The following INTS2 variants were observed in gnomAD, a reference collection of about 807,000 sequenced individuals.
The protein encoded by INTS2 is KIAA1287.
In INTS2, 57 loss-of-function variants were observed where a neutral mutation model predicts 139.6. The ratio of observed to expected loss-of-function variants is 0.41; its 90% CI spans 0.33 to 0.51. INTS2 has a LOEUF of 0.51. Among genes scored for constraint, INTS2 ranks in the 20% least tolerant of loss-of-function variants. INTS2 has a pLI of 0.28. For synonymous variants in INTS2, 473 were observed against 493.4 expected (o/e 0.96, Z 0.55); for missense variants, 1,196 against 1,436.7 (o/e 0.83, Z 2.71).
Position 61,868,096 on chromosome 17 carries a change from G to A in INTS2, c.3245-87C>T. Reference sequence around the variant, plus strand: ...AACATACTAAGGGGAACTATGCTCTGTGCTGGAGATATGAAGTTCTCTAAA... The same window carrying A: ...AACATACTAAGGGGAACTATGCTCTATGCTGGAGATATGAAGTTCTCTAAA... On this transcript the variant is annotated intron_variant, in intron 23 of 24. Coordinates refer to ENST00000251334, the MANE Select transcript of INTS2 (RefSeq NM_001351695.2). This position sits in a 1 kb window ranked among gnomAD's most constrained non-coding sequence, Gnocchi z 4.7. 9.2e-7 allele frequency: 1 copy of A among 1,090,828 alleles called. No individual in the cohort carries two copies. Among genetic ancestry groups the A allele is most frequent in the Non-Finnish European group, 1.3e-6 (1 of 792,344 alleles). The allele number at this position is 1,090,828 out of a possible 1,614,324, so 67.6% of individuals were successfully genotyped here. A position where few individuals can be genotyped will look rare whatever the true frequency, so the allele number is the denominator to read the frequency against.
At chr17:61,913,081 A>C (rs925068232) in intron 5 of INTS2, among the ~76,000 whole-genome samples, 1 of 151,884 alleles carries the variant, frequency 6.6e-6, no homozygotes, top group Non-Finnish European at 1.5e-5. Flanking sequence ...ATCTCCAAAA[A>C]AGAGAAAAAG....
rs1036055855 is a variant in INTS2, at chr17:61,897,338, T to C, written c.1494+131A>G. On this transcript the variant is annotated intron_variant, in intron 11 of 24. Transcript: ENST00000251334. This position sits in a 1 kb window ranked among gnomAD's most constrained non-coding sequence, Gnocchi z 4.4. ...ATACAGGTTTCAAAATGCATTTTTC[T>C]AAGCGCTCTTGATAAAACTTCTATT... 1.0e-5 allele frequency: 6 copies of C among 582,930 alleles called. No individual in the cohort carries two copies. Among genetic ancestry groups the C allele is most frequent in the Non-Finnish European group, 5.9e-6 (2 of 338,022 alleles). The allele number at this position is 582,930 out of a possible 1,614,324, so 36.1% of individuals were successfully genotyped here. A position where few individuals can be genotyped will look rare whatever the true frequency, so the allele number is the denominator to read the frequency against.
chr17:61,880,168 C>T (rs1160655008), intron 17 of INTS2, among the ~76,000 whole-genome samples: 2 of 152,018 alleles, frequency 1.3e-5, no homozygotes, highest in African/African-American at 2.4e-5. Context: ...CTCAGCCTCC[C>T]GAGCAGCTGG....
intron 2 of INTS2, among the ~76,000 whole-genome samples, chr17:61,925,841 A>T (rs2079706038): frequency 6.6e-6 from 1 of 151,862 alleles, no homozygotes; most frequent in Non-Finnish European, 1.5e-5. Context: ...CCTGGCCAAC[A>T]TGATGAAACC....
At chr17:61,912,182 C>A in intron 5 of INTS2, 112 bp from the exon 6 acceptor site, 9 of 1,132,452 alleles carry the variant, frequency 7.9e-6, no homozygotes, top group South Asian at 1.6e-5. Flanking sequence ...CAGAAATTGG[C>A]CAAAATGAAG....
intron 8 of INTS2, among the ~76,000 whole-genome samples, chr17:61,906,696 T>C (rs2079466901): frequency 6.6e-6 from 1 of 151,818 alleles, no homozygotes; most frequent in Non-Finnish European, 1.5e-5. Context: ...CTAAGAAACA[T>C]TGTACTGGCC....
Position 61,897,408 on chromosome 17 carries a change from A to T in INTS2, c.1494+61T>A. 1.0e-6 allele frequency: 1 copy of T among 981,974 alleles called. No homozygotes were observed. The highest frequency in any genetic ancestry group is 1.5e-6 in the Non-Finnish European group (1 of 661,020). 60.8% of individuals were successfully genotyped at this position (981,974 alleles called of 1,614,324 possible). On this transcript the variant is annotated intron_variant, in intron 11 of 24. Coordinates refer to ENST00000251334, the MANE Select transcript of INTS2 (RefSeq NM_001351695.2). This position sits in a 1 kb window ranked among gnomAD's most constrained non-coding sequence, Gnocchi z 4.4. ...AATGAAAACAATCTATTTACACTACAACAAAATGTCCAGCTTAGAAACACC... is the reference window on the plus strand; with the variant it reads ...AATGAAAACAATCTATTTACACTACTACAAAATGTCCAGCTTAGAAACACC...
chr17:61,922,148 A>G (rs1407588249), intron 3 of INTS2, among the ~76,000 whole-genome samples: 1 of 152,184 alleles, frequency 6.6e-6, no homozygotes, highest in African/African-American at 2.4e-5. Flanking sequence ...AAAAAAGCCA[A>G]GAACAGTCAA....
rs902149825 is a variant in INTS2, at chr17:61,876,804, T to A, written c.2456+1083A>T. On this transcript the variant is annotated intron_variant, in intron 18 of 24. Transcript: ENST00000251334. This position sits in a 1 kb window ranked among gnomAD's most constrained non-coding sequence, Gnocchi z 4.1. ...GATTAAGTGTGAAGTAAATTTCCCC[T>A]CAATAATGAAGCTTGGGGATGAATT... 2.0e-5 allele frequency among the ~76,000 whole-genome samples: 3 copies of A among 152,156 alleles called. No homozygotes were observed. Among genetic ancestry groups the A allele is most frequent in the African/African-American group, 7.2e-5 (3 of 41,428 alleles).
intron 14 of INTS2, among the ~76,000 whole-genome samples, chr17:61,890,406 T>G (rs1357860705): frequency 2.0e-5 from 3 of 151,174 alleles, no homozygotes; most frequent in South Asian, 2.1e-4. Context: ...AGGTCACGAG[T>G]TGGAGACCAG....
chr17:61,897,449 A>G lies in INTS2; in HGVS notation c.1494+20T>C. 1 of 1,408,998 alleles carries G rather than the reference A, an allele frequency of 7.1e-7. No homozygotes were observed. The allele number at this position is 1,408,998 out of a possible 1,614,324, so 87.3% of individuals were successfully genotyped here. ...TAGAAACACCTTTTTTTTTTTAGAA[A>G]GAAGTTAAAAGAAAATTACCTTCAT... is the stretch of plus-strand genomic sequence containing the variant. On this transcript the variant is annotated intron_variant, in intron 11 of 24. Transcript: ENST00000251334. The surrounding 1 kb of genome is among the most constrained non-coding windows in gnomAD (Gnocchi z 4.4).
rs956073024 is a variant in INTS2, at chr17:61,927,831, C to T, written c.-196G>A. 3 of 1,612,782 alleles carry T rather than the reference C, an allele frequency of 1.9e-6. No homozygotes were observed. The highest frequency in any genetic ancestry group is 2.2e-5 in the East Asian group (1 of 44,838). ...CAAGAACTCAGACGCCGGGACCAAC[C>T]GGGTTGTCGATACAAAGTGGGAAGG... On this transcript the variant is annotated 5_prime_UTR_variant, in exon 1 of 25. Transcript: ENST00000251334.
At chr17:61,890,866 C>A (rs1159282805) in intron 14 of INTS2, among the ~76,000 whole-genome samples, 1 of 142,008 alleles carries the variant, frequency 7.0e-6, no homozygotes, top group Non-Finnish European at 1.5e-5. Context: ...GAGTTTGAGA[C>A]CAGCCTACTC....
At chr17:61,894,977 G>C (rs1185128953) in intron 12 of INTS2, among the ~76,000 whole-genome samples, 1 of 152,146 alleles carries the variant, frequency 6.6e-6, no homozygotes, top group African/African-American at 2.4e-5. Context: ...ACAGCCTAAA[G>C]GTTTAAATAG....
At chr17:61,906,445 T>C (rs943121599) in intron 8 of INTS2, among the ~76,000 whole-genome samples, 8 of 152,276 alleles carry the variant, frequency 5.3e-5, no homozygotes, top group African/African-American at 1.7e-4. Flanking sequence ...AGTGAGGCCA[T>C]TGGTCACTAA....
Position 61,870,582 on chromosome 17 carries a change from C to T in INTS2, c.2779-594G>A, listed in dbSNP as rs961800213. 2.0e-5 allele frequency among the ~76,000 whole-genome samples: 3 copies of T among 152,042 alleles called. No homozygotes were observed. Among genetic ancestry groups the T allele is most frequent in the African/African-American group, 7.2e-5 (3 of 41,392 alleles). ...AGGGGTAATGGCAATATATTTGAGG[C>T]CCCTATATATAAAGGAGAGCTAAAA... On this transcript the variant is annotated intron_variant, in intron 20 of 24. Transcript: ENST00000251334. The surrounding 1 kb of genome is among the most constrained non-coding windows in gnomAD (Gnocchi z 4.4).
chr17:61,878,169 A>G, intron 17 of INTS2, 81 bp from the exon 18 acceptor site: 1 of 807,558 alleles, frequency 1.2e-6, no homozygotes, highest in Non-Finnish European at 2.1e-6. Flanking sequence ...CTCAGACTAT[A>G]GACCAAACAA....
At chr17:61,883,428 C>G (rs2079195618) in intron 16 of INTS2, among the ~76,000 whole-genome samples, 1 of 151,500 alleles carries the variant, frequency 6.6e-6, no homozygotes, top group Admixed American at 6.6e-5. Context: ...GCAATGAAGG[C>G]TCATGTTTCT....
At chr17:61,908,266 T>C (rs533570515) in intron 7 of INTS2, among the ~76,000 whole-genome samples, 12 of 152,120 alleles carry the variant, frequency 7.9e-5, no homozygotes, top group Non-Finnish European at 1.8e-4. Flanking sequence ...AATATAAAAA[T>C]TAGCTGGGTG....
Sources: gnomAD v4.1 joint callset for allele counts (sites outside exome capture counted in the v4.1 genomes callset) on GRCh38, gnomAD v4.1.1 for gene constraint, Gnocchi (gnomAD v3.1) non-coding constraint, MANE v1.5 for transcripts, NCBI Gene and HGNC (gene_info 2026-07-23, HGNC 2026-07-21) for gene names.